The following SVOPL variants were observed in gnomAD, a reference collection of about 807,000 sequenced individuals.
The protein encoded by SVOPL is putative transporter SVOPL.
A neutral mutation model predicts 61.0 loss-of-function variants in SVOPL; 60 were observed. The ratio of observed to expected loss-of-function variants is 0.98; its 90% CI spans 0.80 to 1.22. The LOEUF is 1.22. Ranked by LOEUF, SVOPL falls within the 50% of genes most tolerant of loss-of-function variation. The pLI is 0.00. For missense variants in SVOPL, 662 were observed against 643.9 expected (o/e 1.03, Z -0.30); for synonymous variants, 279 against 250.0 (o/e 1.12, Z -1.09).
chr7:138,628,088 TCTCAG>T (rs1471357754), intron 11 of SVOPL, 65 bp downstream of exon 11: 43 of 1,562,466 alleles, frequency 2.8e-5, no homozygotes, highest in Non-Finnish European at 3.7e-5. Flanking sequence ...GTCACACTTC[TCTCAG>T]CTAAGACTCA....
intron 14 of SVOPL, among the ~76,000 whole-genome samples, chr7:138,604,262 T>C (rs1337411519): frequency 6.6e-6 from 1 of 152,168 alleles, no homozygotes; most frequent in Admixed American, 6.5e-5. Flanking sequence ...CCATGCCTGG[T>C]CAACAGCCTT....
At chr7:138,694,231 G>A (rs1172756633) in intron 1 of SVOPL, among the ~76,000 whole-genome samples, 1 of 152,174 alleles carries the variant, frequency 6.6e-6, no homozygotes, top group Admixed American at 6.6e-5. Context: ...GCATAAGGAA[G>A]GTCACCACAC....
At chr7:138,604,157 T>C (rs1659826) in intron 14 of SVOPL, among the ~76,000 whole-genome samples, 112,881 of 151,208 alleles carry the variant, frequency 0.75, 42,551 homozygotes, top group Non-Finnish European at 0.77. Flanking sequence ...AGACATGGGG[T>C]CCCACTGTGT....
chr7:138,664,148 A>C, intron 4 of SVOPL: 7 of 904,366 alleles, frequency 7.7e-6, no homozygotes, highest in Non-Finnish European at 9.3e-6. Context: ...GCCCCCAACG[A>C]TCCTCAGTGG....
At chr7:138,651,190 G>A (rs532522903) in intron 7 of SVOPL, among the ~76,000 whole-genome samples, 3 of 152,228 alleles carry the variant, frequency 2.0e-5, no homozygotes, top group East Asian at 1.9e-4. Flanking sequence ...CTGAAAGCTC[G>A]GTGTGGAAGA....
At chr7:138,617,099 T>C (rs1023760961) in intron 14 of SVOPL, among the ~76,000 whole-genome samples, 3 of 152,096 alleles carry the variant, frequency 2.0e-5, no homozygotes, top group Non-Finnish European at 2.9e-5. Context: ...CTCCCAACTA[T>C]CTGGGATTAC....
intron 1 of SVOPL, among the ~76,000 whole-genome samples, chr7:138,686,269 G>T (rs1382984403): frequency 1.3e-5 from 2 of 151,952 alleles, no homozygotes; most frequent in Admixed American, 1.3e-4. Context: ...TGGGCGTGGT[G>T]GTGGGCACCT....
chr7:138,674,814 C>T (rs934880894), intron 3 of SVOPL, among the ~76,000 whole-genome samples: 12 of 151,190 alleles, frequency 7.9e-5, no homozygotes, highest in African/African-American at 2.9e-4. Context: ...CGAGATCACG[C>T]CACTGCACTC....
chr7:138,667,461 C>G (rs375464670), intron 4 of SVOPL, among the ~76,000 whole-genome samples: 28 of 152,244 alleles, frequency 1.8e-4, no homozygotes, highest in Middle Eastern at 6.8e-3. Flanking sequence ...CTCATTCTTC[C>G]CAGAAGATGA....
intron 4 of SVOPL, among the ~76,000 whole-genome samples, chr7:138,667,300 T>C (rs928007621): frequency 6.6e-6 from 1 of 152,194 alleles, no homozygotes; most frequent in Non-Finnish European, 1.5e-5. Context: ...TTGCTGGTCT[T>C]GAAACCCTTC....
At position 138,618,560 on chromosome 7, in the gene SVOPL, C is replaced by T. The variant is rs1799403666; in HGVS notation, c.1353+2486G>A. 2.6e-5 allele frequency among the ~76,000 whole-genome samples: 4 copies of T among 152,194 alleles called. No homozygotes were observed. In the South Asian group the frequency reaches 8.3e-4, roughly 32 times the overall value. Reference sequence around the variant, plus strand: ...CCTGTAATTCCAGCTATTCGGGAGGCTAAGACAGGAGAATTGCTTGAACCC... The same window carrying T: ...CCTGTAATTCCAGCTATTCGGGAGGTTAAGACAGGAGAATTGCTTGAACCC... On this transcript the variant is annotated intron_variant, in intron 14 of 15. Transcript: ENST00000674285.
Position 138,627,478 on chromosome 7 carries a change from AAAGATAATTTC to A in SVOPL, c.1070-28_1070-18del. 1 of 1,591,848 alleles carries A rather than the reference AAAGATAATTTC, an allele frequency of 6.3e-7. No individual in the cohort carries two copies. On this transcript the variant is annotated intron_variant, in intron 11 of 15. Coordinates refer to ENST00000674285, the MANE Select transcript of SVOPL (RefSeq NM_001139456.2). ...AAGGATTCACTAGAAAGCAAACAGT[AAAGATAATTTC>A]TGGAACCTTGGAAGGCAAGTGGCAT... is the stretch of plus-strand genomic sequence containing the variant.
intron 13 of SVOPL, among the ~76,000 whole-genome samples, chr7:138,622,481 G>GGCA (rs1799714112): frequency 1.2e-5 from 1 of 81,822 alleles, no homozygotes; most frequent in African/African-American, 4.8e-5. Flanking sequence ...TTTTAGTGGA[G>GGCA]GCAGCGGCGG....
At chr7:138,691,107 G>GT (rs1463574297) in intron 1 of SVOPL, among the ~76,000 whole-genome samples, 2 of 152,092 alleles carry the variant, frequency 1.3e-5, no homozygotes, top group South Asian at 4.1e-4. Flanking sequence ...TGACTTTTAT[G>GT]TAGGTGGATT....
intron 6 of SVOPL, among the ~76,000 whole-genome samples, chr7:138,656,765 A>T (rs1438892899): frequency 1.3e-5 from 2 of 152,156 alleles, no homozygotes; most frequent in African/African-American, 4.8e-5. Context: ...AAGCCTGGCC[A>T]GGTGTGGTGG....
At chr7:138,687,959 A>G (rs1370872038) in intron 1 of SVOPL, among the ~76,000 whole-genome samples, 1 of 151,958 alleles carries the variant, frequency 6.6e-6, no homozygotes, top group African/African-American at 2.4e-5. Context: ...GCACCACCAC[A>G]CACAGCTAAT....
chr7:138,689,203 A>G, intron 1 of SVOPL: 11 of 1,319,544 alleles, frequency 8.3e-6, no homozygotes, highest in Non-Finnish European at 1.1e-5. Context: ...CAGGCCAAGC[A>G]GTGGGGCTGG....
intron 1 of SVOPL, among the ~76,000 whole-genome samples, chr7:138,682,979 A>C (rs1451330330): frequency 6.6e-6 from 1 of 150,772 alleles, no homozygotes; most frequent in Non-Finnish European, 1.5e-5. Context: ...AAAAAAAAAA[A>C]AAAGAAAAAA....
intron 5 of SVOPL, chr7:138,662,335 T>C (rs1387276438): frequency 2.0e-6 from 2 of 985,430 alleles, no homozygotes; most frequent in Non-Finnish European, 1.2e-6. Flanking sequence ...CTCTTTTCAT[T>C]TGTGGCCAGT....
Sources: allele counts gnomAD v4.1 joint callset (sites outside exome capture counted in the v4.1 genomes callset), GRCh38; gene constraint gnomAD v4.1.1; transcripts MANE v1.5; gene names NCBI Gene and HGNC (gene_info 2026-07-23, HGNC 2026-07-21).